AHCY: variants seen among roughly 807,000 people sequenced by gnomAD.
AHCY encodes the protein adenosylhomocysteinase.
In AHCY, 24 loss-of-function variants were observed where a neutral mutation model predicts 45.4. The ratio of observed to expected loss-of-function variants is 0.53; its 90% confidence interval spans 0.38 to 0.74. AHCY has a LOEUF of 0.74. Among genes scored for constraint, AHCY ranks in the 30% least tolerant of loss-of-function variants. The pLI is 0.00. For missense variants in AHCY, 449 were observed against 594.1 expected, an observed-to-expected ratio of 0.76 and a Z score of 2.54; for synonymous variants, 245 against 235.1, an observed-to-expected ratio of 1.04 and a Z score of -0.39.
the AHCY span, among the ~76,000 whole-genome samples, chr20:34,259,654 G>T: frequency 6.6e-6 from 1 of 152,094 alleles, no homozygotes; most frequent in Non-Finnish European, 1.5e-5. Context: ...GGAGACTGAG[G>T]CAGGAGAATC....
chr20:34,307,296 G>A (rs2036905574), upstream of AHCY, among the ~76,000 whole-genome samples: 1 of 152,008 alleles, frequency 6.6e-6, no homozygotes, highest in Admixed American at 6.6e-5. Flanking sequence ...CGCCATGTTG[G>A]CCAGGCTGGT....
At chr20:34,249,365 T>G in the AHCY span, among the ~76,000 whole-genome samples, 1 of 151,696 alleles carries the variant, frequency 6.6e-6, no homozygotes, top group Non-Finnish European at 1.5e-5. Flanking sequence ...GAGCCCTGGT[T>G]AGACAGCTGA....
chr20:34,236,473 G>A, the AHCY span, among the ~76,000 whole-genome samples: 12 of 152,118 alleles, frequency 7.9e-5, no homozygotes, highest in Admixed American at 7.9e-4. Context: ...GAATCCAGGA[G>A]GTGGACGTTG....
chr20:34,285,660 A>G (rs1384712062), intron 8 of AHCY, 26 bp from the exon 9 acceptor site: 1 of 1,610,198 alleles, frequency 6.2e-7, no homozygotes, highest in Non-Finnish European at 8.5e-7. Flanking sequence ...GCAACAGTGA[A>G]GGCAGGCAGG....
chr20:34,290,516 C>T lies in AHCY; in HGVS notation c.854+35G>A. 1 of 1,613,878 alleles carries T rather than the reference C, an allele frequency of 6.2e-7. No individual in the cohort carries two copies. The highest frequency in any genetic ancestry group is 8.5e-7 in the Non-Finnish European group (1 of 1,179,768). On this transcript the variant is annotated intron_variant, in intron 7 of 9. Coordinates refer to ENST00000217426, the MANE Select transcript of AHCY (RefSeq NM_000687.4). This position sits in a 1 kb window ranked among gnomAD's most constrained non-coding sequence, Gnocchi z 4.5. The stretch of plus-strand genomic sequence containing the variant: ...AAAGCTGTCCCAACTCTGCCCTCCT[C>T]CCTCACTCCCCGGGACCCCCCATCT...
intron 8 of AHCY, among the ~76,000 whole-genome samples, chr20:34,289,961 A>C (rs1461883087): frequency 2.0e-5 from 3 of 151,930 alleles, no homozygotes; most frequent in Non-Finnish European, 4.4e-5. Flanking sequence ...TCCTGACCCC[A>C]CATGCCGTCC....
downstream of AHCY, among the ~76,000 whole-genome samples, chr20:34,275,533 G>A (rs1267822536): frequency 6.6e-6 from 1 of 152,140 alleles, no homozygotes; most frequent in Non-Finnish European, 1.5e-5. Context: ...CTATTGAGAT[G>A]GGTTTAGGGA....
chr20:34,301,008 G>A (rs759328961), intron 1 of AHCY, among the ~76,000 whole-genome samples: 2 of 152,206 alleles, frequency 1.3e-5, no homozygotes, highest in Non-Finnish European at 2.9e-5. Context: ...GACCATATCT[G>A]TCCTCAGAAC....
chr20:34,259,049 T>A, the AHCY span, among the ~76,000 whole-genome samples: 800 of 148,506 alleles, frequency 5.4e-3, 5 homozygotes, highest in African/African-American at 0.018. Context: ...CAAAAAAAAA[T>A]TTTTTTTTAA....
chr20:34,264,991 T>C, the AHCY span, among the ~76,000 whole-genome samples: 50 of 152,058 alleles, frequency 3.3e-4, no homozygotes, highest in Middle Eastern at 3.4e-3. Context: ...AGATGAGGTT[T>C]TGCGGTGTTG....
the AHCY span, among the ~76,000 whole-genome samples, chr20:34,269,649 G>A: frequency 2.6e-5 from 4 of 151,652 alleles, no homozygotes; most frequent in African/African-American, 4.8e-5. Context: ...AAAAAAAACG[G>A]AAAGAAAGAA....
At chr20:34,301,800 T>C in intron 1 of AHCY, 2 of 985,382 alleles carry the variant, frequency 2.0e-6, no homozygotes, top group Non-Finnish European at 2.4e-6. Context: ...GGAGACAGTC[T>C]ACTCTGGTAG....
At chr20:34,276,497 C>G (rs819177), downstream of AHCY, among the ~76,000 whole-genome samples, 116,243 of 151,952 alleles carry the variant, frequency 0.76, 46,874 homozygotes, top group Non-Finnish European at 0.89. Context: ...GCAAGTATGA[C>G]AACACTGAGC....
chr20:34,277,769 A>AG (rs1040272817), downstream of AHCY, among the ~76,000 whole-genome samples: 1 of 151,434 alleles, frequency 6.6e-6, no homozygotes, highest in African/African-American at 2.4e-5. Context: ...AAAAAAAAAA[A>AG]AAAAAAAAAA....
intron 9 of AHCY, among the ~76,000 whole-genome samples, chr20:34,282,085 C>G (rs35038733): frequency 0.11 from 16,091 of 152,194 alleles, 2,865 homozygotes; most frequent in African/African-American, 0.36. Context: ...GAATTAGAGC[C>G]TAATCCCCAC....
the AHCY span, among the ~76,000 whole-genome samples, chr20:34,263,672 T>C: frequency 6.6e-6 from 1 of 151,582 alleles, no homozygotes; most frequent in Non-Finnish European, 1.5e-5. Context: ...TTTTTTTTTT[T>C]TTCTTTTTTT....
At chr20:34,287,884 T>C (rs1054316290) in intron 8 of AHCY, among the ~76,000 whole-genome samples, 4 of 152,092 alleles carry the variant, frequency 2.6e-5, no homozygotes, top group African/African-American at 9.7e-5. Flanking sequence ...GGGCAGAAGG[T>C]TGGCAAGACT....
At chr20:34,246,585 C>A in the AHCY span, 2 of 726,710 alleles carry the variant, frequency 2.8e-6, no homozygotes, top group Non-Finnish European at 4.9e-6. Context: ...CCACCTCAGC[C>A]TCCTAGGACC....
chr20:34,295,103 A>G (rs552882087), intron 2 of AHCY: 17 of 508,516 alleles, frequency 3.3e-5, no homozygotes, highest in Non-Finnish European at 6.1e-5. Context: ...CTGGCCCTTA[A>G]GAGACTAAGT....
Sources: allele counts gnomAD v4.1 joint callset (sites outside exome capture counted in the v4.1 genomes callset), GRCh38; gene constraint gnomAD v4.1.1; non-coding constraint Gnocchi (gnomAD v3.1); transcripts MANE v1.5; gene names NCBI Gene and HGNC (gene_info 2026-07-23, HGNC 2026-07-21).